RO60: variants seen among roughly 807,000 people sequenced by gnomAD.
RO60 encodes the protein RNA-binding protein RO60.
In RO60, 20 loss-of-function variants were observed where a neutral mutation model predicts 55.3. That is an observed-to-expected ratio of 0.36 (90% CI 0.25 to 0.53). The LOEUF is 0.53. Among genes scored for constraint, RO60 ranks in the 20% least tolerant of loss-of-function variants. The pLI, the probability that RO60 is intolerant of heterozygous loss-of-function variation, is 0.92. For missense variants in RO60, 558 were observed against 646.6 expected, an observed-to-expected ratio of 0.86 and a Z score of 1.49; for synonymous variants, 213 against 213.6, an observed-to-expected ratio of 1.00 and a Z score of 0.02.
rs1674667428 is a variant in RO60 at position 193,087,464 on chromosome 1, T to C, written c.*2733T>C. The C allele has an allele frequency of 6.6e-6, 1 of 152,172 alleles. No homozygotes were observed. Among genetic ancestry groups the C allele is most frequent in the Non-Finnish European group, 1.5e-5 (1 of 68,002 alleles). 9.4% of individuals were successfully genotyped at this position (152,172 alleles called of 1,614,324 possible). A position where few individuals can be genotyped will look rare whatever the true frequency, so the allele number is the denominator to read the frequency against. On this transcript the variant is annotated 3_prime_UTR_variant, in exon 9 of 9. Coordinates refer to ENST00000400968, the MANE Select transcript of RO60 (RefSeq NM_001173524.2). Reference sequence around the variant, plus strand: ...CCCACCCTTTATTAGTTGAAAGTTCTTGGAAATTCCATTTATTAATACTTA... The same window carrying C: ...CCCACCCTTTATTAGTTGAAAGTTCCTGGAAATTCCATTTATTAATACTTA...
rs1163221327 is a variant in RO60 at position 193,077,042 on chromosome 1, A to T, written c.1078A>T (p.Thr360Ser). 6.2e-7 allele frequency: 1 copy of T among 1,609,668 alleles called. No individual in the cohort carries two copies. The highest frequency in any genetic ancestry group is 1.1e-5 in the South Asian group (1 of 90,518). ...LKALDAAFYKTFKTVEPTGKR... is the reference protein window; with the variant it reads ...LKALDAAFYKSFKTVEPTGKR... The stretch of plus-strand genomic sequence containing the variant: ...AGCATTGGATGCTGCTTTTTATAAA[A>T]CATTTAAGGTAGTGATATGATTTTT... Residue 360 changes from threonine to serine, a missense_variant, in exon 5 of 9, where the codon ACA (threonine) becomes TCA (serine). Transcript: ENST00000400968.
chr1:193,062,984 T>C (rs1020956219), intron 1 of RO60, among the ~76,000 whole-genome samples: 1 of 152,232 alleles, frequency 6.6e-6, no homozygotes, highest in African/African-American at 2.4e-5. Context: ...TGAGTAATGT[T>C]GATAAAAACA....
intron 2 of RO60, among the ~76,000 whole-genome samples, chr1:193,072,431 T>C (rs867480460): frequency 1.5e-4 from 23 of 151,846 alleles, no homozygotes; most frequent in Middle Eastern, 6.8e-3. Context: ...TTTTTTTCTT[T>C]GTCTTTTTTT....
In RO60 at chr1:193,069,444, G is replaced by A. The variant is rs1293758229; in HGVS notation, c.390G>A (p.Gln130=). The change falls in exon 2 of 9, where the codon CAG becomes CAA. Residue 130 remains glutamine, a synonymous_variant. Coordinates refer to ENST00000400968, the MANE Select transcript of RO60 (RefSeq NM_001173524.2). The part of the protein sequence containing the change: ...RIPTHLFTFI[Q]FKKDLKESMK... Reference sequence around the variant, plus strand: ...CTACCCATCTCTTTACTTTTATCCAGTTTAAGAAAGATCTGAAGGAAAGCA... The same window carrying A: ...CTACCCATCTCTTTACTTTTATCCAATTTAAGAAAGATCTGAAGGAAAGCA... 4 of 1,614,208 alleles carry A rather than the reference G, an allele frequency of 2.5e-6. No individual in the cohort carries two copies. The South Asian group carries it at 4.4e-5, about 18-fold the overall frequency.
chr1:193,079,894 A>G (rs1472482788), intron 5 of RO60, among the ~76,000 whole-genome samples: 2 of 151,826 alleles, frequency 1.3e-5, no homozygotes, highest in East Asian at 3.9e-4. Context: ...TGGGAGGCCG[A>G]TAAGGGTTGA....
chr1:193,084,788 A>T lies in RO60; in HGVS notation c.*57A>T. The T allele has an allele frequency of 6.3e-7, 1 of 1,577,174 alleles. No individual in the cohort carries two copies. On this transcript the variant is annotated 3_prime_UTR_variant, in exon 9 of 9. Transcript: ENST00000400968. Reference sequence around the variant, plus strand: ...TGCCATCAGTGATCTCACTAAAAATATACAGCTACTTCCCAGCTAATCTCC... The same window carrying T: ...TGCCATCAGTGATCTCACTAAAAATTTACAGCTACTTCCCAGCTAATCTCC...
intron 1 of RO60, chr1:193,060,245 C>T (rs942159798): frequency 1.4e-5 from 7 of 511,030 alleles, no homozygotes; most frequent in African/African-American, 2.0e-5. Flanking sequence ...GGCTGCTAGA[C>T]TAGTGGAAGG....
At chr1:193,071,495 CAA>C (rs1209442848) in intron 2 of RO60, among the ~76,000 whole-genome samples, 3 of 151,964 alleles carry the variant, frequency 2.0e-5, no homozygotes, top group Non-Finnish European at 4.4e-5. Context: ...CTCTTATTGA[CAA>C]GAGTTGTTTC....
chr1:193,085,346 A>G lies in RO60; in HGVS notation c.*615A>G, dbSNP rs1183935226. ...AAAGATATTTTATTTCTGATGTTTT[A>G]TTTGCACTTGTGGAATATGTTACCA... On this transcript the variant is annotated 3_prime_UTR_variant, in exon 9 of 9. Transcript: ENST00000400968. 4.9e-6 allele frequency: 5 copies of G among 1,011,158 alleles called. No individual in the cohort carries two copies. Among genetic ancestry groups the G allele is most frequent in the Non-Finnish European group, 5.9e-6 (5 of 846,704 alleles). The allele number at this position is 1,011,158 out of a possible 1,614,324, so 62.6% of individuals were successfully genotyped here.
intron 1 of RO60, among the ~76,000 whole-genome samples, chr1:193,066,882 C>T (rs1057181320): frequency 6.6e-6 from 1 of 152,156 alleles, no homozygotes; most frequent in African/African-American, 2.4e-5. Flanking sequence ...CTTCCTGGAG[C>T]GCCTTCCCTA....
chr1:193,074,962 C>T (rs112334124), intron 2 of RO60, among the ~76,000 whole-genome samples: 3,827 of 152,128 alleles, frequency 0.025, 65 homozygotes, highest in Non-Finnish European at 0.036. Context: ...AGTTTTGCCA[C>T]GTTGGGCACA....
chr1:193,060,352 A>G (rs1053694189), intron 1 of RO60: 7 of 255,756 alleles, frequency 2.7e-5, no homozygotes, highest in African/African-American at 1.4e-4. Flanking sequence ...GATGAGTTAA[A>G]CCAAATATTT....
At chr1:193,073,076 G>A (rs1235558019) in intron 2 of RO60, among the ~76,000 whole-genome samples, 1 of 152,206 alleles carries the variant, frequency 6.6e-6, no homozygotes, top group Non-Finnish European at 1.5e-5. Flanking sequence ...TGTGATTCAA[G>A]TCATCAGGTA....
chr1:193,065,074 A>G (rs573511816), intron 1 of RO60, among the ~76,000 whole-genome samples: 3 of 152,304 alleles, frequency 2.0e-5, no homozygotes, highest in South Asian at 4.1e-4. Flanking sequence ...AAAGACTTGT[A>G]TTATATTTTG....
chr1:193,059,949 C>G lies in RO60; in HGVS notation c.-22+173C>G. 1 of 1,366,432 alleles carries G rather than the reference C, an allele frequency of 7.3e-7. No homozygotes were observed. Among genetic ancestry groups the G allele is most frequent in the Non-Finnish European group, 9.8e-7 (1 of 1,021,810 alleles). 84.6% of individuals were successfully genotyped at this position (1,366,432 alleles called of 1,614,324 possible). A position where few individuals can be genotyped will look rare whatever the true frequency, so the allele number is the denominator to read the frequency against. On this transcript the variant is annotated intron_variant, in intron 1 of 8. Transcript: ENST00000400968. The surrounding 1 kb of genome is among the most constrained non-coding windows in gnomAD (Gnocchi z 4.9). ...TTCCGCGCCTGTCCACCCTGGGTAACGGAACCAGCATCGCGGTAGGGACAT... is the reference window on the plus strand; with the variant it reads ...TTCCGCGCCTGTCCACCCTGGGTAAGGGAACCAGCATCGCGGTAGGGACAT...
chr1:193,076,941 T>C lies in RO60; in HGVS notation c.977T>C (p.Ile326Thr), dbSNP rs1285037298. ...CGTATACATCCATTTCATATTTTGA[T>C]CGCATTAGAAACTTACAAGACAGGT... ...KARIHPFHIL[I>T]ALETYKTGHG... Residue 326 changes from isoleucine to threonine, a missense_variant, in exon 5 of 9, where the codon ATC becomes ACC. Coordinates refer to ENST00000400968, the MANE Select transcript of RO60 (RefSeq NM_001173524.2). 1 of 1,611,938 alleles carries C rather than the reference T, an allele frequency of 6.2e-7. No homozygotes were observed. Among genetic ancestry groups the C allele is most frequent in the Non-Finnish European group, 8.5e-7 (1 of 1,178,892 alleles).
At chr1:193,061,295 A>T (rs1357689653) in intron 1 of RO60, among the ~76,000 whole-genome samples, 3 of 152,234 alleles carry the variant, frequency 2.0e-5, no homozygotes, top group Non-Finnish European at 4.4e-5. Flanking sequence ...TACCTGTATC[A>T]TGGGTAAACA....
Position 193,069,646 on chromosome 1 carries a change from A to G in RO60, c.580+12A>G, listed in dbSNP as rs1456475313. ...ACCTTCCAGTGAAGGTAAGCATAAG[A>G]TCTTCATTGGGAAGAAGGGTGGGTA... On this transcript the variant is annotated intron_variant, in intron 2 of 8. Coordinates refer to ENST00000400968, the MANE Select transcript of RO60 (RefSeq NM_001173524.2). The G allele has an allele frequency of 2.5e-6, 4 of 1,590,356 alleles. No homozygotes were observed. The highest frequency in any genetic ancestry group is 3.4e-6 in the Non-Finnish European group (4 of 1,163,820).
chr1:193,076,931 C>G lies in RO60; in HGVS notation c.967C>G (p.His323Asp), dbSNP rs751625424. ...LLKKARIHPF[H>D]ILIALETYKT... The stretch of plus-strand genomic sequence containing the variant: ...TTTCTAGGCTCGTATACATCCATTT[C>G]ATATTTTGATCGCATTAGAAACTTA... The change falls in exon 5 of 9, where the codon CAT (histidine) becomes GAT (aspartate). Residue 323 changes from histidine to aspartate, a missense_variant. His to Asp is a moderately conservative substitution (Grantham distance 81). Coordinates refer to ENST00000400968, the MANE Select transcript of RO60 (RefSeq NM_001173524.2). The G allele has an allele frequency of 1.9e-6, 3 of 1,611,594 alleles. No individual in the cohort carries two copies. In the South Asian group the frequency reaches 3.3e-5, roughly 18 times the overall value.
Sources: gnomAD v4.1 joint callset for allele counts (sites outside exome capture counted in the v4.1 genomes callset) on GRCh38, gnomAD v4.1.1 for gene constraint, Gnocchi (gnomAD v3.1) non-coding constraint, MANE v1.5 for transcripts, NCBI Gene and HGNC (gene_info 2026-07-23, HGNC 2026-07-21) for gene names.